Variants in RPS10 observed in about 807,000 individuals in gnomAD.
The protein encoded by RPS10 is ribosomal protein S10, also known as small ribosomal subunit protein eS10.
Under a neutral mutation model 22.6 loss-of-function variants are expected in RPS10, and 2 were observed. That is an observed-to-expected ratio of 0.09 (90% CI 0.04 to 0.28). RPS10 has a LOEUF of 0.28. Among genes scored for constraint, RPS10 ranks in the 10% least tolerant of loss-of-function variants. The pLI, the probability that RPS10 is intolerant of heterozygous loss-of-function variation, is 1.00. For synonymous variants in RPS10, 70 were observed against 75.9 expected (o/e 0.92, Z 0.40); for missense variants, 137 against 222.2 (o/e 0.62, Z 2.44).
chr6:34,424,927 T>G, intron 2 of RPS10, 87 bp from the exon 3 acceptor site: 2 of 1,608,466 alleles, frequency 1.2e-6, no homozygotes, highest in South Asian at 2.2e-5. Flanking sequence ...GCCCTTCAAG[T>G]TAGCAAGCAG....
chr6:34,424,515 C>G, intron 3 of RPS10, 154 bp downstream of exon 3: 1 of 1,003,324 alleles, frequency 1.0e-6, no homozygotes, highest in South Asian at 1.4e-5. Flanking sequence ...TAGTTCTATT[C>G]CAAGTCCCAA....
intron 3 of RPS10, 37 bp downstream of exon 3, chr6:34,424,632 C>G (rs138890166): frequency 8.6e-5 from 139 of 1,613,244 alleles, no homozygotes; most frequent in Non-Finnish European, 1.1e-4. Context: ...AAGAAACTAT[C>G]TTCAAATAGC....
chr6:34,419,516 C>A (rs1293008787), intron 4 of RPS10, among the ~76,000 whole-genome samples: 1 of 152,094 alleles, frequency 6.6e-6, no homozygotes, highest in Non-Finnish European at 1.5e-5. Flanking sequence ...ACTCTTTATA[C>A]TGATTACATG....
At chr6:34,420,015 T>TG (rs1165892420) in intron 4 of RPS10, among the ~76,000 whole-genome samples, 1 of 152,198 alleles carries the variant, frequency 6.6e-6, no homozygotes, top group Non-Finnish European at 1.5e-5. Flanking sequence ...TCCAAGTAGC[T>TG]GGGACTATAG....
In RPS10 at chr6:34,425,064, C is replaced by T. The variant is rs1765908962; in HGVS notation, c.150+8G>A. 6 of 1,612,186 alleles carry T rather than the reference C, an allele frequency of 3.7e-6. No individual in the cohort carries two copies. The highest frequency in any genetic ancestry group is 2.2e-4 in the Middle Eastern group (1 of 4,632). Reference sequence around the variant, plus strand: ...AGATCCATCCCATCTTCCTCCTCACCCTCCTACCTGCATGGCCTTCATGAC... The same window carrying T: ...AGATCCATCCCATCTTCCTCCTCACTCTCCTACCTGCATGGCCTTCATGAC... On this transcript the variant is annotated splice_region_variant and intron_variant, in intron 2 of 5. Coordinates refer to ENST00000648437, the MANE Select transcript of RPS10 (RefSeq NM_001014.5).
intron 3 of RPS10, among the ~76,000 whole-genome samples, chr6:34,422,077 G>A (rs991039710): frequency 3.3e-5 from 5 of 151,336 alleles, no homozygotes; most frequent in African/African-American, 1.2e-4. Flanking sequence ...CCAATTATTG[G>A]ACCAATCTAG....
intron 5 of RPS10, chr6:34,417,864 AC>A: frequency 1.4e-6 from 1 of 718,338 alleles, no homozygotes; most frequent in Non-Finnish European, 2.6e-6. Context: ...TTTACAAATG[AC>A]ATTATCTGAG....
chr6:34,426,006 G>C (rs536274498), intron 1 of RPS10, 26 bp downstream of exon 1: 1 of 152,614 alleles, frequency 6.6e-6, no homozygotes, highest in African/African-American at 2.4e-5. Flanking sequence ...GGGAGCCGAT[G>C]GAACTCGAAC....
intron 3 of RPS10, among the ~76,000 whole-genome samples, chr6:34,423,179 T>C (rs939224502): frequency 1.4e-5 from 2 of 147,078 alleles, no homozygotes; most frequent in Non-Finnish European, 3.0e-5. Flanking sequence ...TATGTCTCCT[T>C]TTTTTTTTTT....
At chr6:34,418,572 C>G (rs1765653966) in intron 4 of RPS10, 148 bp from the exon 5 acceptor site, 2 of 1,262,466 alleles carry the variant, frequency 1.6e-6, no homozygotes, top group Non-Finnish European at 2.2e-6. Context: ...TGGGGAATAC[C>G]TTCTGAGCCA....
intron 3 of RPS10, among the ~76,000 whole-genome samples, chr6:34,422,714 C>A (rs1227117748): frequency 5.3e-5 from 8 of 151,754 alleles, no homozygotes; most frequent in African/African-American, 1.9e-4. Flanking sequence ...CCGCCTTGGC[C>A]TCCCAAAGTG....
chr6:34,422,931 A>G (rs1389800023), intron 3 of RPS10, among the ~76,000 whole-genome samples: 1 of 151,966 alleles, frequency 6.6e-6, no homozygotes, highest in Admixed American at 6.6e-5. Flanking sequence ...AATTACAAAA[A>G]TTAGCCGGGT....
chr6:34,422,939 G>C (rs1765818836), intron 3 of RPS10, among the ~76,000 whole-genome samples: 1 of 151,922 alleles, frequency 6.6e-6, no homozygotes, highest in African/African-American at 2.4e-5. Flanking sequence ...AAATTAGCCG[G>C]GTGTGGTGGT....
intron 3 of RPS10, among the ~76,000 whole-genome samples, chr6:34,423,529 T>C (rs889353894): frequency 6.6e-6 from 1 of 152,184 alleles, no homozygotes; most frequent in Non-Finnish European, 1.5e-5. Context: ...CAAGCACAGA[T>C]AGGCACTGGT....
chr6:34,421,811 T>A lies in RPS10; in HGVS notation c.323-4A>T. On this transcript the variant is annotated splice_region_variant and splice_polypyrimidine_tract_variant and intron_variant, in intron 3 of 5. Coordinates refer to ENST00000648437, the MANE Select transcript of RPS10 (RefSeq NM_001014.5). ...GCAGGTCGCTCACCCTCCAGACCTA[T>A]GTAAATCAAACCACACTGTGAACAC... The A allele has an allele frequency of 4.3e-6, 7 of 1,613,904 alleles. No homozygotes were observed. The highest frequency in any genetic ancestry group is 5.9e-6 in the Non-Finnish European group (7 of 1,179,868).
intron 4 of RPS10, 107 bp downstream of exon 4, chr6:34,421,623 G>A (rs1765772702): frequency 1.6e-6 from 2 of 1,249,614 alleles, no homozygotes; most frequent in Non-Finnish European, 2.4e-6. Flanking sequence ...AATCTTTCCT[G>A]GTCATTTTGT....
At chr6:34,418,079 T>G in intron 5 of RPS10, 1 of 1,143,404 alleles carries the variant, frequency 8.7e-7, no homozygotes, top group Non-Finnish European at 1.2e-6. Flanking sequence ...ATCTTGGTTC[T>G]TAAGCCCACC....
chr6:34,420,831 C>T (rs929918533), intron 4 of RPS10, among the ~76,000 whole-genome samples: 1 of 151,328 alleles, frequency 6.6e-6, no homozygotes, highest in African/African-American at 2.4e-5. Context: ...ACGGTGAAAC[C>T]CCATCTCTAC....
intron 3 of RPS10, among the ~76,000 whole-genome samples, chr6:34,423,595 G>T (rs1004748162): frequency 6.6e-6 from 1 of 152,104 alleles, no homozygotes; most frequent in East Asian, 1.9e-4. Context: ...CTAAAAAGAC[G>T]TATTATGGGC....
Sources: allele counts gnomAD v4.1 joint callset (sites outside exome capture counted in the v4.1 genomes callset), GRCh38; gene constraint gnomAD v4.1.1; transcripts MANE v1.5; gene names NCBI Gene and HGNC (gene_info 2026-07-23, HGNC 2026-07-21).